The following EDDM3B variants were observed in gnomAD, a reference collection of about 807,000 sequenced individuals.
EDDM3B encodes epididymal secretory protein E3-beta.
For synonymous variants in EDDM3B, 71 were observed against 59.1 expected, an observed-to-expected ratio of 1.20 and a Z score of -0.92; for missense variants, 189 against 178.3, an observed-to-expected ratio of 1.06 and a Z score of -0.34.
Position 20,770,266 on chromosome 14 carries a change from T to G in EDDM3B, c.116T>G (p.Leu39Ter). The change falls in exon 2 of 2, where the codon TTA becomes TGA. Residue 39 changes from leucine (L) to a stop codon, truncating the protein, a stop_gained. Coordinates refer to ENST00000326783, the MANE Select transcript of EDDM3B (RefSeq NM_022360.5). LOFTEE classifies it low-confidence loss of function (END_TRUNC). ...AGAGAATTCATGAAACAGCACTACT[T>G]AAGTCCAAGTCGAGAATTCAGAGAG... ...SWREFMKQHY[L>*]SPSREFREYK... The G allele has an allele frequency of 6.2e-7, 1 of 1,614,142 alleles. No individual in the cohort carries two copies. Among genetic ancestry groups the G allele is most frequent in the Non-Finnish European group, 8.5e-7 (1 of 1,180,012 alleles).
At position 20,770,594 on chromosome 14, in the gene EDDM3B, G is replaced by C. The variant is rs1343454428; in HGVS notation, c.444G>C (p.Ter148TyrextTer18). The C allele has an allele frequency of 6.2e-7, 1 of 1,607,282 alleles. No individual in the cohort carries two copies. The highest frequency in any genetic ancestry group is 1.1e-5 in the South Asian group (1 of 89,900). The change falls in exon 2 of 2, where the codon TAG becomes TAC. Residue 148 changes from the stop codon to tyrosine, a stop_lost. Transcript: ENST00000326783. The stretch of plus-strand genomic sequence containing the variant: ...AGATGGTAGAACCTATCGGCAACTA[G>C]AAAGTCTATGCACATCCTCAGGTAT... ...DLKMVEPIGN[*>Y]
rs113153951 is a variant in EDDM3B at position 20,770,302 on chromosome 14, A to T, written c.152A>T (p.Asp51Val). Residue 51 changes from aspartate (D) to valine (V), a missense_variant, in exon 2 of 2, where the codon GAT becomes GTT. By Grantham distance (152) the Asp-to-Val change is radical (BLOSUM62 -3). Transcript: ENST00000326783. ...CGAGAATTCAGAGAGTACAAATGTG[A>T]TGTCCTCATGAGAGAAAATGAAGCT... is the stretch of plus-strand genomic sequence containing the variant. ...PSREFREYKC[D>V]VLMRENEALK... The T allele has an allele frequency of 6.2e-7, 1 of 1,614,066 alleles. No individual in the cohort carries two copies. Among genetic ancestry groups the T allele is most frequent in the African/African-American group, 1.3e-5 (1 of 74,934 alleles).
chr14:20,769,115 G>C lies in EDDM3B; in HGVS notation c.-19+609G>C, dbSNP rs568242226. Among the ~76,000 whole-genome samples, 61 of 152,276 alleles carry C rather than the reference G, an allele frequency of 4.0e-4. 1 individual carries two copies. The highest frequency in any genetic ancestry group is 8.5e-4 in the Admixed American group (13 of 15,288). ...AGGAATATTTCAAATCTGGAATTCT[G>C]GTTGGGTGTAGTGGCTCATGCCTGA... On this transcript the variant is annotated intron_variant, in intron 1 of 1. Transcript: ENST00000326783.
chr14:20,769,600 A>C (rs931817587), intron 1 of EDDM3B, among the ~76,000 whole-genome samples: 4 of 152,172 alleles, frequency 2.6e-5, no homozygotes, highest in African/African-American at 7.2e-5. Flanking sequence ...TCAAGATTGG[A>C]GAAGCATCAT....
At chr14:20,769,670 C>T (rs1340775717) in intron 1 of EDDM3B, among the ~76,000 whole-genome samples, 1 of 152,150 alleles carries the variant, frequency 6.6e-6, no homozygotes, top group African/African-American at 2.4e-5. Context: ...TTTAGCGAAT[C>T]GAAGCCTTCC....
Position 20,770,088 on chromosome 14 carries a change from AT to A in EDDM3B, c.-18-43del. ...TAAGGTGGAGTTCAGCTCTCTGGGC[AT>A]TGTCTGGATAATGCTTTTCTTTCTC... is the stretch of plus-strand genomic sequence containing the variant. On this transcript the variant is annotated intron_variant, in intron 1 of 1. Transcript: ENST00000326783. 3 of 1,471,224 alleles carry A rather than the reference AT, an allele frequency of 2.0e-6. No homozygotes were observed. The Admixed American group carries it at 6.8e-5, about 33-fold the overall frequency. 91.1% of individuals were successfully genotyped at this position (1,471,224 alleles called of 1,614,324 possible). A position where few individuals can be genotyped will look rare whatever the true frequency, so the allele number is the denominator to read the frequency against.
At chr14:20,769,717 C>T (rs1878278645) in intron 1 of EDDM3B, among the ~76,000 whole-genome samples, 1 of 152,204 alleles carries the variant, frequency 6.6e-6, no homozygotes, top group African/African-American at 2.4e-5. Flanking sequence ...TACTCATTTT[C>T]TACATTTCCC....
At chr14:20,769,909 A>G (rs1359624922) in intron 1 of EDDM3B, among the ~76,000 whole-genome samples, 1 of 152,214 alleles carries the variant, frequency 6.6e-6, no homozygotes, top group East Asian at 1.9e-4. Context: ...AATGAACTTC[A>G]TCTATTTTTT....
rs1484158390 is a variant in EDDM3B, at chr14:20,770,096, G to T, written c.-18-37G>T. ...AGTTCAGCTCTCTGGGCATTGTCTG[G>T]ATAATGCTTTTCTTTCTCTTCTCTG... On this transcript the variant is annotated intron_variant, in intron 1 of 1. Coordinates refer to ENST00000326783, the MANE Select transcript of EDDM3B (RefSeq NM_022360.5). 8 of 1,509,640 alleles carry T rather than the reference G, an allele frequency of 5.3e-6. No homozygotes were observed. In the East Asian group the frequency reaches 1.4e-4, roughly 26 times the overall value. The allele number at this position is 1,509,640 out of a possible 1,614,324, so 93.5% of individuals were successfully genotyped here. A position where few individuals can be genotyped will look rare whatever the true frequency, so the allele number is the denominator to read the frequency against.
At position 20,770,435 on chromosome 14, in the gene EDDM3B, G is replaced by A; in HGVS notation, c.285G>A (p.Trp95Ter). ...ATCGCTTCCGAAATGCATATGTATG[G>A]GTCCAGAATCCTCTCAAAGTACTCA... ...WMDRFRNAYVWVQNPLKVLKC... is the reference protein window; with the variant it reads ...WMDRFRNAYV Residue 95 changes from tryptophan (W) to a stop codon, truncating the protein, a stop_gained, in exon 2 of 2, where the codon TGG (tryptophan) becomes TGA (stop). Coordinates refer to ENST00000326783, the MANE Select transcript of EDDM3B (RefSeq NM_022360.5). LOFTEE classifies it low-confidence loss of function (END_TRUNC). 1 of 1,614,048 alleles carries A rather than the reference G, an allele frequency of 6.2e-7. No individual in the cohort carries two copies. The highest frequency in any genetic ancestry group is 8.5e-7 in the Non-Finnish European group (1 of 1,180,030).
chr14:20,770,876 C>T lies in EDDM3B; in HGVS notation c.*282C>T. 1 of 348,862 alleles carries T rather than the reference C, an allele frequency of 2.9e-6. No homozygotes were observed. Among genetic ancestry groups the T allele is most frequent in the Non-Finnish European group, 5.5e-6 (1 of 180,596 alleles). The allele number at this position is 348,862 out of a possible 1,614,324, so 21.6% of individuals were successfully genotyped here. On this transcript the variant is annotated 3_prime_UTR_variant, in exon 2 of 2. Coordinates refer to ENST00000326783, the MANE Select transcript of EDDM3B (RefSeq NM_022360.5). ...TGTTCTTGATTAACCCAAGACTTTCCTGATATTGACTCTCTTGATACATAC... is the reference window on the plus strand; with the variant it reads ...TGTTCTTGATTAACCCAAGACTTTCTTGATATTGACTCTCTTGATACATAC...
At position 20,770,590 on chromosome 14, in the gene EDDM3B, A is replaced by T; in HGVS notation, c.440A>T (p.Asn147Ile). The change falls in exon 2 of 2, where the codon AAC (asparagine) becomes ATC (isoleucine). Residue 147 changes from asparagine to isoleucine, a missense_variant. Transcript: ENST00000326783. ...CTAAAGATGGTAGAACCTATCGGCA[A>T]CTAGAAAGTCTATGCACATCCTCAG... ...EDLKMVEPIG[N>I] The T allele has an allele frequency of 1.9e-6, 3 of 1,608,886 alleles. No homozygotes were observed. In the South Asian group the frequency reaches 3.3e-5, roughly 18 times the overall value.
In EDDM3B at chr14:20,770,905, A is replaced by G. The variant is rs1878327117; in HGVS notation, c.*311A>G. On this transcript the variant is annotated 3_prime_UTR_variant, in exon 2 of 2. Coordinates refer to ENST00000326783, the MANE Select transcript of EDDM3B (RefSeq NM_022360.5). ...TATTGACTCTCTTGATACATACCCA[A>G]GCTGAACAATCTTCCCTTCCCTAAA... 3.4e-6 allele frequency: 1 copy of G among 294,216 alleles called. No individual in the cohort carries two copies. Among genetic ancestry groups the G allele is most frequent in the Non-Finnish European group, 6.8e-6 (1 of 147,532 alleles). 18.2% of individuals were successfully genotyped at this position (294,216 alleles called of 1,614,324 possible). A position where few individuals can be genotyped will look rare whatever the true frequency, so the allele number is the denominator to read the frequency against.
intron 1 of EDDM3B, among the ~76,000 whole-genome samples, chr14:20,769,609 A>G (rs1878274728): frequency 6.6e-6 from 1 of 152,204 alleles, no homozygotes; most frequent in Admixed American, 6.5e-5. Context: ...GAGAAGCATC[A>G]TTAAGTAATT....
Position 20,770,711 on chromosome 14 carries a change from C to T in EDDM3B, c.*117C>T. 1 of 825,194 alleles carries T rather than the reference C, an allele frequency of 1.2e-6. No homozygotes were observed. Among genetic ancestry groups the T allele is most frequent in the East Asian group, 2.7e-5 (1 of 37,704 alleles). The allele number at this position is 825,194 out of a possible 1,614,324, so 51.1% of individuals were successfully genotyped here. A position where few individuals can be genotyped will look rare whatever the true frequency, so the allele number is the denominator to read the frequency against. On this transcript the variant is annotated 3_prime_UTR_variant, in exon 2 of 2. Coordinates refer to ENST00000326783, the MANE Select transcript of EDDM3B (RefSeq NM_022360.5). The stretch of plus-strand genomic sequence containing the variant: ...CTTGCATTTATTTGTCAATGTTTTC[C>T]AAATACTTAGAGTTATGAATAGCAT...
chr14:20,768,822 A>G (rs1878248536), intron 1 of EDDM3B, among the ~76,000 whole-genome samples: 1 of 152,196 alleles, frequency 6.6e-6, no homozygotes, highest in Admixed American at 6.5e-5. Context: ...TGGACATTTG[A>G]CATCATTAGA....
chr14:20,770,019 T>C (rs1420569191), intron 1 of EDDM3B, 114 bp from the exon 2 acceptor site: 1 of 793,820 alleles, frequency 1.3e-6, no homozygotes, highest in Non-Finnish European at 2.0e-6. Flanking sequence ...GGGAACCAAA[T>C]AGTAAAATTG....
chr14:20,769,117 T>C (rs1301572137), intron 1 of EDDM3B, among the ~76,000 whole-genome samples: 1 of 152,086 alleles, frequency 6.6e-6, no homozygotes, highest in Non-Finnish European at 1.5e-5. Context: ...GGAATTCTGG[T>C]TGGGTGTAGT....
chr14:20,769,630 G>T (rs1221788006), intron 1 of EDDM3B, among the ~76,000 whole-genome samples: 2 of 152,204 alleles, frequency 1.3e-5, no homozygotes, highest in Non-Finnish European at 2.9e-5. Flanking sequence ...GGAGAAGCAG[G>T]CAAGAAGTAA....
Sources: gnomAD v4.1 joint callset for allele counts (sites outside exome capture counted in the v4.1 genomes callset) on GRCh38, gnomAD v4.1.1 for gene constraint, MANE v1.5 for transcripts, NCBI Gene and HGNC (gene_info 2026-07-23, HGNC 2026-07-21) for gene names.